Variants in STK32B observed in about 807,000 individuals in gnomAD.
STK32B encodes serine/threonine-protein kinase 32B.
STK32B carries 43 observed loss-of-function variants against 52.6 expected under a neutral mutation model. The observed-to-expected ratio is 0.82, with a 90% CI of 0.64 to 1.05. The LOEUF is 1.05. STK32B is among the 50% of genes least tolerant of loss of function. STK32B has a pLI of 0.00. For missense variants in STK32B, 621 were observed against 534.6 expected, an observed-to-expected ratio of 1.16 and a Z score of -1.59; for synonymous variants, 238 against 204.3, an observed-to-expected ratio of 1.17 and a Z score of -1.41.
intron 1 of STK32B, among the ~76,000 whole-genome samples, chr4:5,059,573 G>C (rs2108756955): frequency 6.6e-6 from 1 of 152,298 alleles, no homozygotes; most frequent in South Asian, 2.1e-4. Flanking sequence ...TCATCATGAT[G>C]TGATATATTC....
intron 4 of STK32B, among the ~76,000 whole-genome samples, chr4:5,393,252 T>G (rs1419760181): frequency 6.6e-6 from 1 of 152,166 alleles, no homozygotes; most frequent in Non-Finnish European, 1.5e-5. Flanking sequence ...TTTGCCCCAC[T>G]CTGTTATTAT....
At chr4:5,297,861 A>G (rs1284196669) in intron 3 of STK32B, among the ~76,000 whole-genome samples, 1 of 152,116 alleles carries the variant, frequency 6.6e-6, no homozygotes, top group Non-Finnish European at 1.5e-5. Flanking sequence ...GAGAAGAGGC[A>G]TTCTGGTTTT....
chr4:5,116,402 A>G (rs1714717482), intron 1 of STK32B, among the ~76,000 whole-genome samples: 1 of 152,194 alleles, frequency 6.6e-6, no homozygotes, highest in Non-Finnish European at 1.5e-5. Context: ...GTATATATTT[A>G]CAGTCTATGG....
chr4:5,050,760 C>T (rs1376628625), upstream of STK32B, among the ~76,000 whole-genome samples: 3 of 152,120 alleles, frequency 2.0e-5, no homozygotes, highest in Non-Finnish European at 2.9e-5. Context: ...ATCTGCCGCA[C>T]CCCTTACTTA....
chr4:5,488,564 A>G (rs1719421834), intron 11 of STK32B, among the ~76,000 whole-genome samples: 1 of 152,150 alleles, frequency 6.6e-6, no homozygotes, highest in African/African-American at 2.4e-5. Context: ...ACTTTCATAA[A>G]TTTCCCTTTC....
At chr4:5,056,310 A>G (rs1742005352) in intron 1 of STK32B, among the ~76,000 whole-genome samples, 1 of 152,222 alleles carries the variant, frequency 6.6e-6, no homozygotes, top group African/African-American at 2.4e-5. Context: ...ACTGCCTTCA[A>G]TACAGGGATC....
intron 6 of STK32B, among the ~76,000 whole-genome samples, chr4:5,439,745 T>G (rs564176495): frequency 2.6e-5 from 4 of 152,286 alleles, no homozygotes; most frequent in African/African-American, 9.6e-5. Flanking sequence ...AGGTCTAACG[T>G]TTAAGTCTTT....
intron 1 of STK32B, among the ~76,000 whole-genome samples, chr4:5,063,192 A>G (rs1742283252): frequency 1.3e-5 from 2 of 152,306 alleles, no homozygotes; most frequent in Non-Finnish European, 2.9e-5. Flanking sequence ...ACGTGATCAT[A>G]TTAATTTACA....
chr4:5,143,124 T>TGTCTGTCTGTCC (rs1553835286), intron 2 of STK32B, among the ~76,000 whole-genome samples: 3,883 of 150,586 alleles, frequency 0.026, 119 homozygotes, highest in African/African-American at 0.05. Context: ...TCTGTCTGTC[T>TGTCTGTCTGTCC]GTCTGTCTAT....
At chr4:5,464,920 G>A (rs1717320081) in intron 9 of STK32B, among the ~76,000 whole-genome samples, 1 of 152,192 alleles carries the variant, frequency 6.6e-6, no homozygotes, top group Admixed American at 6.5e-5. Flanking sequence ...ACCTGGGCCT[G>A]AGATTCAACT....
chr4:5,240,231 C>T (rs960680141), intron 3 of STK32B, among the ~76,000 whole-genome samples: 2 of 151,962 alleles, frequency 1.3e-5, no homozygotes, highest in Non-Finnish European at 2.9e-5. Flanking sequence ...TCTGTCATCC[C>T]CGAGACTCCT....
chr4:5,105,598 C>T (rs943973225), intron 1 of STK32B, among the ~76,000 whole-genome samples: 3 of 151,952 alleles, frequency 2.0e-5, no homozygotes, highest in African/African-American at 7.3e-5. Context: ...GAGTATCGCA[C>T]TCTCACCCAG....
rs200490552 is a variant in STK32B at position 5,414,266 on chromosome 4, TATAAA to T, written c.473-2574_473-2570del. Among the ~76,000 whole-genome samples the T allele has an allele frequency of 1.3e-3, 195 of 152,038 alleles. 1 individual carries two copies. The East Asian group carries it at 0.033, about 26-fold the overall frequency. On this transcript the variant is annotated intron_variant, in intron 5 of 11. Transcript: ENST00000282908. ...TATTAAATAACATATATGATAATAA[TATAAA>T]ATAACGTGTTTAACACAATATGTAA... is the stretch of plus-strand genomic sequence containing the variant.
At chr4:5,483,215 C>T (rs1332878508) in intron 11 of STK32B, among the ~76,000 whole-genome samples, 1 of 151,434 alleles carries the variant, frequency 6.6e-6, no homozygotes, top group Non-Finnish European at 1.5e-5. Flanking sequence ...TCCATCTGGT[C>T]CTGGACTCTT....
chr4:5,437,301 G>C (rs1339833705), intron 6 of STK32B, among the ~76,000 whole-genome samples: 2 of 152,268 alleles, frequency 1.3e-5, no homozygotes, highest in Non-Finnish European at 2.9e-5. Context: ...TGTGGAGGCT[G>C]AAAGTCCAAT....
intron 3 of STK32B, among the ~76,000 whole-genome samples, chr4:5,197,025 G>T (rs1721734951): frequency 6.6e-6 from 1 of 152,306 alleles, no homozygotes; most frequent in South Asian, 2.1e-4. Flanking sequence ...TTCCAAGCAG[G>T]TGGGCTTTAG....
intron 3 of STK32B, among the ~76,000 whole-genome samples, chr4:5,258,162 A>G (rs1235441484): frequency 6.6e-6 from 1 of 152,144 alleles, no homozygotes; most frequent in Non-Finnish European, 1.5e-5. Context: ...GCTATTCATT[A>G]TTAGTGTTGT....
intron 3 of STK32B, among the ~76,000 whole-genome samples, chr4:5,207,125 A>G (rs1198808453): frequency 1.3e-5 from 2 of 152,200 alleles, no homozygotes; most frequent in African/African-American, 2.4e-5. Context: ...CTATGCTGCC[A>G]TGGCAGTGTG....
intron 4 of STK32B, among the ~76,000 whole-genome samples, chr4:5,342,728 C>A (rs547935087): frequency 6.6e-6 from 1 of 152,296 alleles, no homozygotes; most frequent in African/African-American, 2.4e-5. Context: ...TCTGTAAATT[C>A]TCTAAGGGCA....
Sources: gnomAD v4.1 joint callset for allele counts (sites outside exome capture counted in the v4.1 genomes callset) on GRCh38, gnomAD v4.1.1 for gene constraint, MANE v1.5 for transcripts, NCBI Gene and HGNC (gene_info 2026-07-23, HGNC 2026-07-21) for gene names.